The following SCAF4 variants were observed in gnomAD, a reference collection of about 807,000 sequenced individuals.
SCAF4 encodes the protein SR-related and CTD-associated factor 4.
Under a neutral mutation model 129.8 loss-of-function variants are expected in SCAF4, and 25 were observed. That is an observed-to-expected ratio of 0.19 (90% CI 0.14 to 0.27). SCAF4 has a LOEUF of 0.27. SCAF4 is among the 10% of genes least tolerant of loss of function. SCAF4 has a pLI of 1.00. For synonymous variants in SCAF4, 551 were observed against 497.7 expected (o/e 1.11, Z -1.43); for missense variants, 1,246 against 1,457.1 (o/e 0.86, Z 2.36).
At chr21:31,723,791 G>C (rs900223041) in intron 1 of SCAF4, among the ~76,000 whole-genome samples, 2 of 151,930 alleles carry the variant, frequency 1.3e-5, no homozygotes, top group African/African-American at 2.4e-5. Context: ...ACTGCTCTCC[G>C]GTCTCTTCCA....
intron 16 of SCAF4, among the ~76,000 whole-genome samples, chr21:31,687,918 G>A (rs186126667): frequency 1.3e-5 from 2 of 151,952 alleles, no homozygotes; most frequent in East Asian, 3.9e-4. Context: ...TACGAGCCTG[G>A]CCAGCATGGT....
intron 1 of SCAF4, among the ~76,000 whole-genome samples, chr21:31,709,856 A>G (rs1343921828): frequency 8.6e-6 from 1 of 115,776 alleles, no homozygotes; most frequent in Non-Finnish European, 1.8e-5. Context: ...ATGATACTTA[A>G]AAAAAAAAAA....
intron 1 of SCAF4, among the ~76,000 whole-genome samples, chr21:31,721,781 C>CA (rs1185779585): frequency 9.1e-5 from 13 of 142,800 alleles, no homozygotes; most frequent in Non-Finnish European, 1.6e-4. Flanking sequence ...GGCTGGAGTG[C>CA]ACAGGCACAA....
At chr21:31,708,875 G>GT (rs1380373960) in intron 1 of SCAF4, among the ~76,000 whole-genome samples, 3 of 152,174 alleles carry the variant, frequency 2.0e-5, no homozygotes, top group Non-Finnish European at 2.9e-5. Flanking sequence ...GCCTTTCCAC[G>GT]TAGAAAGTCA....
At chr21:31,683,274 C>T (rs970412120) in intron 19 of SCAF4, among the ~76,000 whole-genome samples, 2 of 152,140 alleles carry the variant, frequency 1.3e-5, no homozygotes, top group Non-Finnish European at 1.5e-5. Flanking sequence ...ATAAACGCTA[C>T]GACTGATTCA....
intron 2 of SCAF4, 72 bp downstream of exon 2, chr21:31,706,202 C>G: frequency 9.8e-7 from 1 of 1,024,274 alleles, no homozygotes; most frequent in South Asian, 1.5e-5. Flanking sequence ...AAGTTGACTT[C>G]TCATGTTTAA....
chr21:31,731,695 T>C lies in SCAF4; in HGVS notation c.-3A>G, dbSNP rs1449411817. 6.3e-7 allele frequency: 1 copy of C among 1,582,580 alleles called. No homozygotes were observed. The highest frequency in any genetic ancestry group is 1.4e-5 in the African/African-American group (1 of 71,698). On this transcript the variant is annotated 5_prime_UTR_variant, in exon 1 of 20. Coordinates refer to ENST00000286835, the MANE Select transcript of SCAF4 (RefSeq NM_020706.2). ...TTGAAGGCGTTGACGGCGTCCATGT[T>C]CGCGCTGCGGCGGCGGCTGCTCCGG...
At chr21:31,706,745 C>A (rs1255476694) in intron 1 of SCAF4, 1 of 230,844 alleles carries the variant, frequency 4.3e-6, no homozygotes, top group East Asian at 1.4e-4. Context: ...GGAGGGGGAG[C>A]AAAGAGAAAA....
At chr21:31,706,609 G>C (rs2050669996) in intron 1 of SCAF4, 1 of 469,372 alleles carries the variant, frequency 2.1e-6, no homozygotes, top group African/African-American at 2.0e-5. Context: ...TGAAATGAAG[G>C]AAGAGCCCAA....
At chr21:31,714,962 T>G (rs1362569177) in intron 1 of SCAF4, among the ~76,000 whole-genome samples, 1 of 152,220 alleles carries the variant, frequency 6.6e-6, no homozygotes, top group Non-Finnish European at 1.5e-5. Context: ...CCTTTAAGTA[T>G]GGTATCCTCA....
rs1314983249 is a variant in SCAF4, at chr21:31,685,152, G to A, written c.2385C>T (p.Asn795=). 3.7e-6 allele frequency: 6 copies of A among 1,612,730 alleles called. No individual in the cohort carries two copies. The highest frequency in any genetic ancestry group is 1.3e-5 in the African/African-American group (1 of 74,834). The change falls in exon 19 of 20, where the codon AAC becomes AAT. Residue 795 remains asparagine, a synonymous_variant. Transcript: ENST00000286835. The part of the protein sequence containing the change: ...IPTVVSGARG[N]AESGDSVKMY... ...TTTTCACGCTGTCACCAGACTCGGC[G>A]TTTCCTCTAGCCCCAGACACCACTG...
rs772570167 is a variant in SCAF4 at position 31,731,648 on chromosome 21, C to G, written c.30+15G>C. On this transcript the variant is annotated intron_variant, in intron 1 of 19. Coordinates refer to ENST00000286835, the MANE Select transcript of SCAF4 (RefSeq NM_020706.2). The stretch of plus-strand genomic sequence containing the variant: ...GCAGCAGGCCCGGCACCCCCCTGCC[C>G]CAAACACCCCTTACCTCCTGGTTGA... 5.7e-6 allele frequency: 9 copies of G among 1,589,770 alleles called. No homozygotes were observed. Among genetic ancestry groups the G allele is most frequent in the Non-Finnish European group, 6.0e-6 (7 of 1,172,916 alleles).
At chr21:31,719,915 T>G (rs1393680780) in intron 1 of SCAF4, among the ~76,000 whole-genome samples, 1 of 152,254 alleles carries the variant, frequency 6.6e-6, no homozygotes, top group Non-Finnish European at 1.5e-5. Context: ...TTTTTAACCC[T>G]ATTGGTTCCA....
At position 31,732,075 on chromosome 21, in the gene SCAF4, G is replaced by C. The variant is rs1212484489; in HGVS notation, c.-383C>G. 2 of 413,376 alleles carry C rather than the reference G, an allele frequency of 4.8e-6. No individual in the cohort carries two copies. The highest frequency in any genetic ancestry group is 8.5e-6 in the Non-Finnish European group (2 of 236,380). 25.6% of individuals were successfully genotyped at this position (413,376 alleles called of 1,614,324 possible). ...GGGCCTCTCTCTCCCTCTCTCCAGC[G>C]GGATGGCGGCAGCGGCCCGAGTCCA... On this transcript the variant is annotated 5_prime_UTR_variant, in exon 1 of 20. Transcript: ENST00000286835.
chr21:31,728,313 A>C (rs1293516946), intron 1 of SCAF4, among the ~76,000 whole-genome samples: 1 of 152,018 alleles, frequency 6.6e-6, no homozygotes, highest in East Asian at 1.9e-4. Context: ...CCTCATCCTT[A>C]AGCAACATTT....
In SCAF4 at chr21:31,706,878, C is replaced by T. The variant is rs377101066; in HGVS notation, c.31-521G>A. 3.9e-5 allele frequency: 12 copies of T among 305,744 alleles called. No homozygotes were observed. In the East Asian group the frequency reaches 5.5e-4, roughly 14 times the overall value. The allele number at this position is 305,744 out of a possible 1,614,324, so 18.9% of individuals were successfully genotyped here. A position where few individuals can be genotyped will look rare whatever the true frequency, so the allele number is the denominator to read the frequency against. ...GAAGCCAAGTCTACTCAGTACATAC[C>T]ATGTCTTATCAGTGGTCTCTGTCTC... On this transcript the variant is annotated intron_variant, in intron 1 of 19. Transcript: ENST00000286835.
chr21:31,677,391 C>G (rs1027430854), intron 19 of SCAF4, among the ~76,000 whole-genome samples: 1 of 152,148 alleles, frequency 6.6e-6, no homozygotes, highest in South Asian at 2.1e-4. Context: ...ACTCCCTCAC[C>G]CTGCATCTCC....
intron 19 of SCAF4, among the ~76,000 whole-genome samples, chr21:31,681,543 T>C (rs764460505): frequency 1.4e-4 from 22 of 152,226 alleles, no homozygotes; most frequent in Non-Finnish European, 3.1e-4. Flanking sequence ...ATTGCTATCA[T>C]TTGTAATATT....
At chr21:31,698,719 A>G (rs1482267217) in intron 7 of SCAF4, among the ~76,000 whole-genome samples, 1 of 152,110 alleles carries the variant, frequency 6.6e-6, no homozygotes, top group Non-Finnish European at 1.5e-5. Flanking sequence ...ACTGAGATAG[A>G]GGGAATTATC....
Sources: gnomAD v4.1 joint callset for allele counts (sites outside exome capture counted in the v4.1 genomes callset) on GRCh38, gnomAD v4.1.1 for gene constraint, MANE v1.5 for transcripts, NCBI Gene and HGNC (gene_info 2026-07-23, HGNC 2026-07-21) for gene names.